Variants in TACO1 observed in about 807,000 individuals in gnomAD.
TACO1 encodes the protein translational activator of cytochrome c oxidase 1.
A neutral mutation model predicts 24.0 loss-of-function variants in TACO1; 13 were observed. The observed-to-expected ratio is 0.54, with a 90% CI of 0.35 to 0.86. The LOEUF (loss-of-function observed/expected upper bound fraction) is 0.86, where lower values mean the gene tolerates loss of function less well. TACO1 is among the 40% of genes least tolerant of loss of function. TACO1 has a pLI of 0.01. For synonymous variants in TACO1, 149 were observed against 153.5 expected, an observed-to-expected ratio of 0.97 and a Z score of 0.22; for missense variants, 352 against 380.1, an observed-to-expected ratio of 0.93 and a Z score of 0.61.
intron 2 of TACO1, among the ~76,000 whole-genome samples, chr17:63,605,993 G>C (rs996340662): frequency 2.0e-5 from 3 of 152,166 alleles, no homozygotes; most frequent in African/African-American, 7.2e-5. Context: ...TACAGGATGG[G>C]GGTGTAGGAG....
Position 63,607,876 on chromosome 17 carries a change from T to C in TACO1, c.768T>C (p.Cys256=). 1 of 1,614,226 alleles carries C rather than the reference T, an allele frequency of 6.2e-7. No individual in the cohort carries two copies. The part of the protein sequence containing the change: ...LDSLGLCSVS[C]ALEFIPNSKV... ...CCCTGGGCCTGTGTTCTGTGTCCTGTGCACTAGAGTTCATCCCCAACTCAA... is the reference window on the plus strand; with the variant it reads ...CCCTGGGCCTGTGTTCTGTGTCCTGCGCACTAGAGTTCATCCCCAACTCAA... The change falls in exon 5 of 5, where the codon TGT becomes TGC. Residue 256 remains cysteine, a synonymous_variant. Coordinates refer to ENST00000258975, the MANE Select transcript of TACO1 (RefSeq NM_016360.4).
intron 2 of TACO1, 116 bp downstream of exon 2, chr17:63,604,756 A>G (rs1224831067): frequency 4.2e-6 from 4 of 954,374 alleles, no homozygotes; most frequent in South Asian, 1.3e-5. Flanking sequence ...GCTCACGACT[A>G]TAATCCCAGC....
chr17:63,607,380 A>G lies in TACO1; in HGVS notation c.609A>G (p.Leu203=), dbSNP rs893825681. The G allele has an allele frequency of 6.2e-7, 1 of 1,614,224 alleles. No homozygotes were observed. The highest frequency in any genetic ancestry group is 1.3e-5 in the African/African-American group (1 of 75,052). ...VEDREKKAVN[L]ERALEMAIEA... ...ACAGAGAGAAGAAGGCTGTGAACCT[A>G]GAGCGTGCCCTGGAGATGGCAATCG... Residue 203 remains leucine, a synonymous_variant, in exon 4 of 5, where the codon CTA becomes CTG. Coordinates refer to ENST00000258975, the MANE Select transcript of TACO1 (RefSeq NM_016360.4).
chr17:63,606,834 G>A, intron 3 of TACO1: 1 of 358,862 alleles, frequency 2.8e-6, no homozygotes, highest in Non-Finnish European at 5.3e-6. Flanking sequence ...ACCATGCCTG[G>A]CCATGTTTCA....
Position 63,600,994 on chromosome 17 carries a change from C to G in TACO1, c.-90C>G. The G allele has an allele frequency of 6.8e-7, 1 of 1,462,644 alleles. No homozygotes were observed. The highest frequency in any genetic ancestry group is 9.2e-7 in the Non-Finnish European group (1 of 1,084,786). 90.6% of individuals were successfully genotyped at this position (1,462,644 alleles called of 1,614,324 possible). A position where few individuals can be genotyped will look rare whatever the true frequency, so the allele number is the denominator to read the frequency against. On this transcript the variant is annotated 5_prime_UTR_variant, in exon 1 of 5. Coordinates refer to ENST00000258975, the MANE Select transcript of TACO1 (RefSeq NM_016360.4). ...CTCAGGTGACCGGCACAGGCGGCCG[C>G]GGGGTCCGGAACTGCTTGTTCCGGC...
Position 63,607,522 on chromosome 17 carries a change from T to C in TACO1, c.693+58T>C. On this transcript the variant is annotated intron_variant, in intron 4 of 4. Coordinates refer to ENST00000258975, the MANE Select transcript of TACO1 (RefSeq NM_016360.4). Reference sequence around the variant, plus strand: ...TCCGGGAGGACCCTGATAGATGCCTTATGCATGCCTCTTGGTTTCTTCCTT... The same window carrying C: ...TCCGGGAGGACCCTGATAGATGCCTCATGCATGCCTCTTGGTTTCTTCCTT... 6 of 1,565,878 alleles carry C rather than the reference T, an allele frequency of 3.8e-6. No individual in the cohort carries two copies. The East Asian group carries it at 6.7e-5, about 18-fold the overall frequency.
chr17:63,604,286 C>G lies in TACO1; in HGVS notation c.281-248C>G, dbSNP rs895838387. Among the ~76,000 whole-genome samples the G allele has an allele frequency of 3.3e-5, 5 of 151,558 alleles. 1 individual carries two copies. In the South Asian group the frequency reaches 1.0e-3, roughly 32 times the overall value. On this transcript the variant is annotated intron_variant, in intron 1 of 4. Transcript: ENST00000258975. ...CCAGGAGGTGGATGTTGCAGTGAGCCAAGATCGTGCCACTGCACTCCAGCC... is the reference window on the plus strand; with the variant it reads ...CCAGGAGGTGGATGTTGCAGTGAGCGAAGATCGTGCCACTGCACTCCAGCC...
At position 63,608,190 on chromosome 17, in the gene TACO1, G is replaced by A. The variant is rs1367225595; in HGVS notation, c.*188G>A. ...GTGGGGCCTCCTTGTCAGCTCTGCTGCTGTCTCAGAGCCATCTGGATGAGT... is the reference window on the plus strand; with the variant it reads ...GTGGGGCCTCCTTGTCAGCTCTGCTACTGTCTCAGAGCCATCTGGATGAGT... On this transcript the variant is annotated 3_prime_UTR_variant, in exon 5 of 5. Transcript: ENST00000258975. 3 of 680,786 alleles carry A rather than the reference G, an allele frequency of 4.4e-6. No homozygotes were observed. The highest frequency in any genetic ancestry group is 1.7e-5 in the South Asian group (1 of 59,966). The allele number at this position is 680,786 out of a possible 1,614,324, so 42.2% of individuals were successfully genotyped here.
chr17:63,605,897 T>G (rs2033858583), intron 2 of TACO1, among the ~76,000 whole-genome samples: 1 of 152,190 alleles, frequency 6.6e-6, no homozygotes, highest in South Asian at 2.1e-4. Context: ...TCAGCAGCTC[T>G]TACGACAAGG....
In TACO1 at chr17:63,607,455, C is replaced by T. The variant is rs755379892; in HGVS notation, c.684C>T (p.Asn228=). The change falls in exon 4 of 5, where the codon AAC becomes AAT. Residue 228 remains asparagine, a synonymous_variant. Transcript: ENST00000258975. The stretch of plus-strand genomic sequence containing the variant: ...AAACTGAAGATGAAGAAGAAAGGAA[C>T]GTTTTTAAAGTAAGCATGAAAACAT... ...VKETEDEEER[N]VFKFICDASS... 51 of 1,614,052 alleles carry T rather than the reference C, an allele frequency of 3.2e-5. No homozygotes were observed. Among genetic ancestry groups the T allele is most frequent in the East Asian group, 6.7e-5 (3 of 44,894 alleles).
At chr17:63,604,067 G>A (rs188753148) in intron 1 of TACO1, among the ~76,000 whole-genome samples, 39 of 152,090 alleles carry the variant, frequency 2.6e-4, no homozygotes, top group Non-Finnish European at 5.0e-4. Context: ...GCCAGGGGCA[G>A]TGGCTCACAC....
At chr17:63,607,073 T>G (rs2033867892) in intron 3 of TACO1, 2 of 601,344 alleles carry the variant, frequency 3.3e-6, no homozygotes, top group Non-Finnish European at 5.9e-6. Flanking sequence ...TCCTCCCAAC[T>G]GCAATCAGGG....
chr17:63,607,210 T>G (rs2033869024), intron 3 of TACO1, 77 bp from the exon 4 acceptor site: 1 of 1,303,982 alleles, frequency 7.7e-7, no homozygotes, highest in Non-Finnish European at 1.1e-6. Flanking sequence ...AAAGAGACAG[T>G]GATAGAATGA....
At chr17:63,607,724 C>A in intron 4 of TACO1, 78 bp from the exon 5 acceptor site, 1 of 1,355,834 alleles carries the variant, frequency 7.4e-7, no homozygotes. Context: ...TACTGACATT[C>A]AGGACTTTGC....
chr17:63,601,253 C>A lies in TACO1; in HGVS notation c.170C>A (p.Pro57His), dbSNP rs1478105911. Reference protein sequence around the residue: ...GRTLHFTAAVPAGHNKWSKVR... With the variant: ...GRTLHFTAAVHAGHNKWSKVR... ...ACGCTGCACTTTACCGCGGCTGTCC[C>A]CGCCGGGCACAACAAGTGGTCCAAA... is the stretch of plus-strand genomic sequence containing the variant. The change falls in exon 1 of 5, where the codon CCC (proline) becomes CAC (histidine). Residue 57 changes from proline to histidine, a missense_variant. Physicochemically the swap from Pro to His is moderately conservative, Grantham distance 77. Transcript: ENST00000258975. 4 of 1,610,112 alleles carry A rather than the reference C, an allele frequency of 2.5e-6. No individual in the cohort carries two copies. The African/African-American group carries it at 4.0e-5, about 16-fold the overall frequency.
chr17:63,601,227 G>A lies in TACO1; in HGVS notation c.144G>A (p.Arg48=), dbSNP rs1376441595. 8 of 1,599,620 alleles carry A rather than the reference G, an allele frequency of 5.0e-6. No homozygotes were observed. The highest frequency in any genetic ancestry group is 6.8e-6 in the Non-Finnish European group (8 of 1,173,614). The part of the protein sequence containing the change: ...EPRGCGAAPG[R]TLHFTAAVPA... ...GGGGCTGCGGTGCCGCTCCGGGCAGGACGCTGCACTTTACCGCGGCTGTCC... is the reference window on the plus strand; with the variant it reads ...GGGGCTGCGGTGCCGCTCCGGGCAGAACGCTGCACTTTACCGCGGCTGTCC... The change falls in exon 1 of 5, where the codon AGG becomes AGA. Residue 48 remains arginine, a synonymous_variant. Coordinates refer to ENST00000258975, the MANE Select transcript of TACO1 (RefSeq NM_016360.4).
intron 2 of TACO1, among the ~76,000 whole-genome samples, chr17:63,605,063 G>A (rs997480738): frequency 7.2e-5 from 11 of 151,828 alleles, no homozygotes; most frequent in Non-Finnish European, 1.3e-4. Flanking sequence ...TGTAGTTGAC[G>A]CCCTCAGCCT....
chr17:63,607,739 T>A, intron 4 of TACO1, 63 bp from the exon 5 acceptor site: 1 of 1,480,576 alleles, frequency 6.8e-7, no homozygotes, highest in Non-Finnish European at 9.4e-7. Context: ...CTTTGCAAGG[T>A]CCTGTGTGGC....
At position 63,601,324 on chromosome 17, in the gene TACO1, T is replaced by A; in HGVS notation, c.241T>A (p.Phe81Ile). Residue 81 changes from phenylalanine to isoleucine, a missense_variant, in exon 1 of 5, where the codon TTC becomes ATC. Physicochemically the swap from Phe to Ile is conservative, Grantham distance 21. Coordinates refer to ENST00000258975, the MANE Select transcript of TACO1 (RefSeq NM_016360.4). ...GAAGGACGTCGAAAGGAGTCGCATC[T>A]TCTCCAAACTCTGTTTGAACATCCG... Reference protein sequence around the residue: ...GPKDVERSRIFSKLCLNIRLA... With the variant: ...GPKDVERSRIISKLCLNIRLA... The A allele has an allele frequency of 6.2e-7, 1 of 1,613,132 alleles. No individual in the cohort carries two copies. Among genetic ancestry groups the A allele is most frequent in the Non-Finnish European group, 8.5e-7 (1 of 1,179,988 alleles).
Sources: gnomAD v4.1 joint callset for allele counts (sites outside exome capture counted in the v4.1 genomes callset) on GRCh38, gnomAD v4.1.1 for gene constraint, MANE v1.5 for transcripts, NCBI Gene and HGNC (gene_info 2026-07-23, HGNC 2026-07-21) for gene names.